TSHZ3: variants seen among roughly 807,000 people sequenced by gnomAD.
TSHZ3 encodes teashirt homolog 3.
In TSHZ3, 10 loss-of-function variants were observed where a neutral mutation model predicts 64.5. The ratio of observed to expected loss-of-function variants is 0.16; its 90% CI spans 0.10 to 0.26. The LOEUF is 0.26. TSHZ3 is among the 10% of genes least tolerant of loss of function. The pLI, the probability that TSHZ3 is intolerant of heterozygous loss-of-function variation, is 1.00. For synonymous variants in TSHZ3, 608 were observed against 593.1 expected (o/e 1.03, Z -0.36); for missense variants, 1,242 against 1,421.7 (o/e 0.87, Z 2.03).
chr19:31,311,114 G>A (rs1030890560), intron 1 of TSHZ3, among the ~76,000 whole-genome samples: 13 of 152,330 alleles, frequency 8.5e-5, no homozygotes, highest in East Asian at 5.8e-4. Context: ...TTCTCTCTCC[G>A]TCTCAGGCCA....
At position 31,227,455 on chromosome 19, in the gene TSHZ3, G is replaced by A. The variant is rs140478468; in HGVS notation, n.686+550C>T. Among the ~76,000 whole-genome samples the A allele has an allele frequency of 3.2e-3, 490 of 152,284 alleles. 3 individuals are homozygous for A. The highest frequency in any genetic ancestry group is 0.011 in the African/African-American group (468 of 41,564). On this transcript the variant is annotated intron_variant and non_coding_transcript_variant, in intron 4 of 6. Coordinates refer to the TSHZ3 transcript ENST00000651361. ...TCTCACTGGAATTGCTATGCTGGTA[G>A]AATAGAATAGAAGCCTGAAGAGACT... is the stretch of plus-strand genomic sequence containing the variant.
intron 1 of TSHZ3, among the ~76,000 whole-genome samples, chr19:31,332,847 T>G: frequency 6.6e-6 from 1 of 152,014 alleles, no homozygotes; most frequent in East Asian, 1.9e-4. Context: ...GGCTCACACC[T>G]GTAATCCCAG....
At chr19:31,342,987 T>A (rs1917481255) in intron 1 of TSHZ3, among the ~76,000 whole-genome samples, 1 of 152,240 alleles carries the variant, frequency 6.6e-6, no homozygotes, top group African/African-American at 2.4e-5. Context: ...TGTACGTAAG[T>A]TAGCATCTGC....
upstream of TSHZ3, chr19:31,349,525 C>T (rs1461337891): frequency 2.1e-5 from 7 of 330,406 alleles, no homozygotes; most frequent in South Asian, 3.7e-4. Context: ...GGAGGAGGAC[C>T]GCGCTGCCGG....
At chr19:31,332,892 G>A (rs1296187696) in intron 1 of TSHZ3, among the ~76,000 whole-genome samples, 2 of 151,944 alleles carry the variant, frequency 1.3e-5, no homozygotes, top group Non-Finnish European at 2.9e-5. Flanking sequence ...GACTGCTTGA[G>A]CCCAGGAGTT....
chr19:31,299,904 A>G (rs2145140385), intron 1 of TSHZ3, among the ~76,000 whole-genome samples: 1 of 152,292 alleles, frequency 6.6e-6, no homozygotes, highest in South Asian at 2.1e-4. Flanking sequence ...GAGCAAAGAC[A>G]CTTGTCAAAT....
intron 1 of TSHZ3, among the ~76,000 whole-genome samples, chr19:31,280,961 G>A (rs1976350956): frequency 6.6e-6 from 1 of 152,156 alleles, no homozygotes; most frequent in Non-Finnish European, 1.5e-5. Flanking sequence ...TTTGGACAGT[G>A]AGGAGTGGCC....
intron 5 of TSHZ3, among the ~76,000 whole-genome samples, chr19:31,173,175 G>A (rs1974560193): frequency 6.6e-6 from 1 of 152,170 alleles, no homozygotes; most frequent in Non-Finnish European, 1.5e-5. Flanking sequence ...GGACCAAGCT[G>A]GTAGCAGCAG....
intron 1 of TSHZ3, among the ~76,000 whole-genome samples, chr19:31,253,007 G>C (rs1001428656): frequency 6.6e-6 from 1 of 152,188 alleles, no homozygotes; most frequent in Non-Finnish European, 1.5e-5. Flanking sequence ...ATTCAGTATA[G>C]ATATTTTAAT....
At chr19:31,349,017 G>A (rs1194807050) in intron 1 of TSHZ3, 163 bp downstream of exon 1, 2 of 858,436 alleles carry the variant, frequency 2.3e-6, no homozygotes, top group Non-Finnish European at 3.3e-6. Context: ...GGGGGCGCCC[G>A]GTACCCGAGG....
chr19:31,253,527 AT>A (rs924986291), intron 1 of TSHZ3, among the ~76,000 whole-genome samples: 6 of 152,016 alleles, frequency 3.9e-5, no homozygotes, highest in Admixed American at 1.3e-4. Context: ...ATAATTATTA[AT>A]TTTTTTTAAT....
downstream of TSHZ3, among the ~76,000 whole-genome samples, chr19:31,273,439 G>T (rs551515687): frequency 6.6e-6 from 1 of 152,260 alleles, no homozygotes; most frequent in South Asian, 2.1e-4. Context: ...AGTGGGGTGA[G>T]GAGATGGGCA....
At chr19:31,287,781 T>G (rs1389470349) in intron 1 of TSHZ3, among the ~76,000 whole-genome samples, 3 of 152,246 alleles carry the variant, frequency 2.0e-5, no homozygotes, top group African/African-American at 7.2e-5. Context: ...AGCCTGTGAG[T>G]TCTGGTACAG....
At chr19:31,274,534 C>G (rs1599617195), downstream of TSHZ3, among the ~76,000 whole-genome samples, 1 of 152,174 alleles carries the variant, frequency 6.6e-6, no homozygotes, top group South Asian at 2.1e-4. Context: ...TCAAAGCTTT[C>G]TTTCCCATCA....
At chr19:31,313,563 T>C (rs1452492228) in intron 1 of TSHZ3, among the ~76,000 whole-genome samples, 3 of 151,716 alleles carry the variant, frequency 2.0e-5, no homozygotes, top group African/African-American at 7.2e-5. Context: ...AAATGGTTCC[T>C]GTCCCCACAC....
intron 1 of TSHZ3, among the ~76,000 whole-genome samples, chr19:31,319,936 G>A (rs1255091823): frequency 4.0e-5 from 6 of 151,186 alleles, no homozygotes; most frequent in African/African-American, 1.2e-4. Context: ...CAACACACAC[G>A]CAGTTGATAG....
chr19:31,278,632 C>T lies in TSHZ3; in HGVS notation c.1161G>A (p.Lys387=), dbSNP rs1330775658. The T allele has an allele frequency of 1.9e-6, 3 of 1,614,158 alleles. No homozygotes were observed. Among genetic ancestry groups the T allele is most frequent in the Non-Finnish European group, 1.7e-6 (2 of 1,180,014 alleles). Residue 387 remains lysine, a synonymous_variant, in exon 2 of 2, where the codon AAG becomes AAA. Coordinates refer to ENST00000240587, the MANE Select transcript of TSHZ3 (RefSeq NM_020856.4). The surrounding 1 kb of genome is among the most constrained non-coding windows in gnomAD (Gnocchi z 4.7). ...CATGCGAGCTCCCACACTCCATGCACTTCAGGATCTGCGACTTCCGGGCCT... is the reference window on the plus strand; with the variant it reads ...CATGCGAGCTCCCACACTCCATGCATTTCAGGATCTGCGACTTCCGGGCCT... ...HFEARKSQIL[K]CMECGSSHDT...
intron 3 of TSHZ3, among the ~76,000 whole-genome samples, chr19:31,236,132 T>C (rs1975610935): frequency 6.6e-6 from 1 of 152,224 alleles, no homozygotes. Flanking sequence ...CCTTTGGATC[T>C]ATATCCAGAA....
At chr19:31,269,084 C>T (rs1045709618) in intron 1 of TSHZ3, among the ~76,000 whole-genome samples, 14 of 152,244 alleles carry the variant, frequency 9.2e-5, no homozygotes, top group Middle Eastern at 3.4e-3. Context: ...TCCAGCCACA[C>T]GCACTTCTTC....
Sources: allele counts gnomAD v4.1 joint callset (sites outside exome capture counted in the v4.1 genomes callset), GRCh38; gene constraint gnomAD v4.1.1; non-coding constraint Gnocchi (gnomAD v3.1); transcripts MANE v1.5; gene names NCBI Gene and HGNC (gene_info 2026-07-23, HGNC 2026-07-21).